Variants in CADPS observed in about 807,000 individuals in gnomAD.
The protein encoded by CADPS is calcium dependent secretion activator, also known as calcium-dependent secretion activator 1.
In CADPS, 57 loss-of-function variants were observed where a neutral mutation model predicts 167.3. The ratio of observed to expected loss-of-function variants is 0.34; its 90% CI spans 0.28 to 0.42. The LOEUF is 0.42. CADPS is among the 20% of genes least tolerant of loss of function. The pLI is 1.00. For synonymous variants in CADPS, 676 were observed against 635.3 expected (o/e 1.06, Z -0.96); for missense variants, 1,414 against 1,738.1 (o/e 0.81, Z 3.32).
At chr3:62,873,984 G>A (rs2083149941) in intron 1 of CADPS, among the ~76,000 whole-genome samples, 1 of 152,208 alleles carries the variant, frequency 6.6e-6, no homozygotes. Context: ...CAGCTGACCC[G>A]GGCAGGGAGA....
At chr3:62,798,789 C>A (rs768854350) in intron 1 of CADPS, among the ~76,000 whole-genome samples, 1 of 152,058 alleles carries the variant, frequency 6.6e-6, no homozygotes, top group Non-Finnish European at 1.5e-5. Flanking sequence ...ACTTTGTATC[C>A]CAGTAACAGG....
At chr3:62,468,744 A>T (rs2060231020) in intron 24 of CADPS, among the ~76,000 whole-genome samples, 1 of 151,990 alleles carries the variant, frequency 6.6e-6, no homozygotes, top group Non-Finnish European at 1.5e-5. Flanking sequence ...GATCATCTCC[A>T]TTCCTCTTCT....
rs1426654805 is a variant in CADPS, at chr3:62,481,835, G to T, written c.3061C>A (p.Pro1021Thr). The T allele has an allele frequency of 6.2e-7, 1 of 1,611,640 alleles. No individual in the cohort carries two copies. The highest frequency in any genetic ancestry group is 2.2e-5 in the East Asian group (1 of 44,774). Residue 1021 changes from proline to threonine, a missense_variant, in exon 22 of 30, where the codon CCC becomes ACC. By Grantham distance (38) the Pro-to-Thr change is conservative. Coordinates refer to ENST00000383710, the MANE Select transcript of CADPS (RefSeq NM_003716.4). ...LTSNLPNVNL[P>T]NVNLPKVPNL... The stretch of plus-strand genomic sequence containing the variant: ...GGTACTTTGGGAAGGTTCACATTGG[G>T]TAGGTTCACATTGGGTAGGTTACTG...
At chr3:62,699,776 C>A (rs566196599) in intron 3 of CADPS, among the ~76,000 whole-genome samples, 1 of 152,074 alleles carries the variant, frequency 6.6e-6, no homozygotes, top group South Asian at 2.1e-4. Flanking sequence ...GCTACGTTGA[C>A]CAGGCTGATC....
At chr3:62,496,449 G>T (rs774811152) in intron 18 of CADPS, among the ~76,000 whole-genome samples, 2 of 152,124 alleles carry the variant, frequency 1.3e-5, no homozygotes, top group South Asian at 2.1e-4. Flanking sequence ...CTCTCAACAC[G>T]TTCTGTTTAT....
chr3:62,616,689 C>A (rs1367697094), intron 6 of CADPS, among the ~76,000 whole-genome samples: 1 of 152,114 alleles, frequency 6.6e-6, no homozygotes, highest in East Asian at 1.9e-4. Flanking sequence ...TAATGCTCAG[C>A]ACTGTACATA....
chr3:62,579,286 C>A (rs962044120), intron 8 of CADPS, among the ~76,000 whole-genome samples: 1 of 152,106 alleles, frequency 6.6e-6, no homozygotes, highest in African/African-American at 2.4e-5. Flanking sequence ...ACTTTAAGCT[C>A]CAATTTCTCT....
chr3:62,843,492 G>GGT (rs150223612), intron 1 of CADPS, among the ~76,000 whole-genome samples: 2,847 of 149,050 alleles, frequency 0.019, 38 homozygotes, highest in Middle Eastern at 0.049. Context: ...TGGCAGTTGG[G>GGT]GTGTGTGTGT....
At chr3:62,456,840 C>T (rs374306562) in intron 26 of CADPS, among the ~76,000 whole-genome samples, 1 of 151,602 alleles carries the variant, frequency 6.6e-6, no homozygotes, top group East Asian at 1.9e-4. Flanking sequence ...CAGTAAAATG[C>T]TCCTGCTGTG....
intron 1 of CADPS, among the ~76,000 whole-genome samples, chr3:62,872,072 T>TTC (rs957138100): frequency 4.0e-5 from 6 of 151,370 alleles, no homozygotes; most frequent in South Asian, 2.1e-4. Context: ...ATAGATCTCG[T>TTC]TCTCTCTCTC....
rs1044488683 is a variant in CADPS, at chr3:62,601,036, C to T, written c.1326-8288G>A. Among the ~76,000 whole-genome samples the T allele has an allele frequency of 3.9e-5, 6 of 152,188 alleles. No individual in the cohort carries two copies. The highest frequency in any genetic ancestry group is 1.4e-4 in the African/African-American group (6 of 41,514). ...TAAGCTATTGGATATGTGGTGTTTACCTCAATACGTGGCACATAGAAAGCA... is the reference window on the plus strand; with the variant it reads ...TAAGCTATTGGATATGTGGTGTTTATCTCAATACGTGGCACATAGAAAGCA... On this transcript the variant is annotated intron_variant, in intron 6 of 29. Coordinates refer to ENST00000383710, the MANE Select transcript of CADPS (RefSeq NM_003716.4). This position sits in a 1 kb window ranked among gnomAD's most constrained non-coding sequence, Gnocchi z 4.3.
At chr3:62,469,314 T>C (rs957750887) in intron 24 of CADPS, among the ~76,000 whole-genome samples, 1 of 152,210 alleles carries the variant, frequency 6.6e-6, no homozygotes, top group Non-Finnish European at 1.5e-5. Flanking sequence ...CTTTCACTCC[T>C]TGATCTTTCT....
intron 8 of CADPS, among the ~76,000 whole-genome samples, chr3:62,584,530 C>T (rs1360496952): frequency 6.6e-6 from 1 of 152,284 alleles, no homozygotes; most frequent in South Asian, 2.1e-4. Context: ...GAGATAATGA[C>T]ATCCATGTGA....
chr3:62,660,738 T>G (rs1366563056), intron 4 of CADPS, among the ~76,000 whole-genome samples: 1 of 152,138 alleles, frequency 6.6e-6, no homozygotes, highest in Non-Finnish European at 1.5e-5. Context: ...ACAGTAGGAA[T>G]CATCAGGAGC....
chr3:62,857,970 G>T (rs2080029353), intron 1 of CADPS, among the ~76,000 whole-genome samples: 1 of 152,094 alleles, frequency 6.6e-6, no homozygotes. Flanking sequence ...GAAATAAGAA[G>T]CTGCTTCCTA....
At chr3:62,403,321 G>A in intron 28 of CADPS, 136 bp from the exon 29 acceptor site, 1 of 622,006 alleles carries the variant, frequency 1.6e-6, no homozygotes, top group South Asian at 2.0e-5. Flanking sequence ...TGAGAGCATA[G>A]AGTTTAATGA....
At chr3:62,647,851 T>C (rs2068944695) in intron 5 of CADPS, among the ~76,000 whole-genome samples, 1 of 152,198 alleles carries the variant, frequency 6.6e-6, no homozygotes, top group South Asian at 2.1e-4. Flanking sequence ...CTGAAAAGAC[T>C]ATTGTGAGGA....
At chr3:62,506,262 C>T (rs1383720386) in intron 17 of CADPS, among the ~76,000 whole-genome samples, 2 of 152,158 alleles carry the variant, frequency 1.3e-5, no homozygotes, top group Non-Finnish European at 1.5e-5. Context: ...GTGGTGTGCA[C>T]CTGTATTCCC....
intron 9 of CADPS, among the ~76,000 whole-genome samples, chr3:62,561,575 T>C (rs1233308648): frequency 6.6e-6 from 1 of 152,088 alleles, no homozygotes. Flanking sequence ...TGGCCAGATA[T>C]CTCTTAATAC....
Sources: gnomAD v4.1 joint callset for allele counts (sites outside exome capture counted in the v4.1 genomes callset) on GRCh38, gnomAD v4.1.1 for gene constraint, Gnocchi (gnomAD v3.1) non-coding constraint, MANE v1.5 for transcripts, NCBI Gene and HGNC (gene_info 2026-07-23, HGNC 2026-07-21) for gene names.